The following UGT1A9 variants were observed in gnomAD, a reference collection of about 807,000 sequenced individuals.
UGT1A9 encodes the protein UDP glucuronosyltransferase family 1 member A9.
A neutral mutation model predicts 45.0 loss-of-function variants in UGT1A9; 35 were observed. The ratio of observed to expected loss-of-function variants is 0.78; its 90% CI spans 0.59 to 1.03. UGT1A9 has a LOEUF of 1.03. UGT1A9 is among the 50% of genes least tolerant of loss of function. UGT1A9 has a pLI of 0.00. For missense variants in UGT1A9, 687 were observed against 666.6 expected (o/e 1.03, Z -0.34); for synonymous variants, 278 against 250.6 (o/e 1.11, Z -1.03).
At chr2:233,726,073 G>A (rs2077498872) in intron 1 of UGT1A9, among the ~76,000 whole-genome samples, 1 of 152,190 alleles carries the variant, frequency 6.6e-6, no homozygotes, top group Non-Finnish European at 1.5e-5. Context: ...GGCTGAGGCA[G>A]GAGGATTACT....
chr2:233,727,709 G>T (rs1490010404), intron 1 of UGT1A9, among the ~76,000 whole-genome samples: 2 of 152,172 alleles, frequency 1.3e-5, no homozygotes, highest in African/African-American at 4.8e-5. Flanking sequence ...AGTTCCCAAA[G>T]CCCTTGCAGA....
intron 1 of UGT1A9, chr2:233,681,913 G>A: frequency 6.2e-7 from 1 of 1,601,310 alleles, no homozygotes; most frequent in Non-Finnish European, 8.5e-7. Flanking sequence ...AATCCCAGCT[G>A]CTGGCTCTGG....
At chr2:233,758,681 T>C (rs543730611) in intron 1 of UGT1A9, among the ~76,000 whole-genome samples, 2 of 152,218 alleles carry the variant, frequency 1.3e-5, no homozygotes, top group Admixed American at 6.5e-5. Context: ...ATATGTCCCA[T>C]AGGACACCAA....
intron 1 of UGT1A9, among the ~76,000 whole-genome samples, chr2:233,724,125 CA>C (rs1371340693): frequency 1.8e-5 from 2 of 108,584 alleles, no homozygotes; most frequent in Non-Finnish European, 3.7e-5. Flanking sequence ...AGGCGCCCCT[CA>C]CCTCCCGGAC....
At chr2:233,692,958 G>T (rs753851963) in intron 1 of UGT1A9, 3 of 1,607,532 alleles carry the variant, frequency 1.9e-6, no homozygotes, top group Non-Finnish European at 1.7e-6. Context: ...CTGTGATTTG[G>T]AGAGTGAAAA....
intron 1 of UGT1A9, among the ~76,000 whole-genome samples, chr2:233,680,676 G>A (rs2074494293): frequency 3.3e-5 from 5 of 151,972 alleles, no homozygotes; most frequent in Admixed American, 3.3e-4. Context: ...TGGGTGCTGT[G>A]GAAGGAGGAT....
In UGT1A9 at chr2:233,743,767, G is replaced by C. The variant is rs374421270; in HGVS notation, c.856-23267G>C. ...CGTCCGACAACACCTCGTAGGCCTCGGCCACCTGCTTGAATCTCCTCTCCG... is the reference window on the plus strand; with the variant it reads ...CGTCCGACAACACCTCGTAGGCCTCCGCCACCTGCTTGAATCTCCTCTCCG... On this transcript the variant is annotated intron_variant, in intron 1 of 4. Transcript: ENST00000354728. 1.6e-3 allele frequency: 2,161 copies of C among 1,367,298 alleles called. 5 individuals are homozygous for C. Among genetic ancestry groups the C allele is most frequent in the Non-Finnish European group, 2.0e-3 (2,052 of 1,021,846 alleles). 84.7% of individuals were successfully genotyped at this position (1,367,298 alleles called of 1,614,324 possible).
intron 4 of UGT1A9, among the ~76,000 whole-genome samples, chr2:233,768,739 C>T (rs542073297): frequency 1.3e-5 from 2 of 151,854 alleles, no homozygotes; most frequent in African/African-American, 4.8e-5. Context: ...TCCACCACCA[C>T]GCCCGGTTAA....
intron 1 of UGT1A9, among the ~76,000 whole-genome samples, chr2:233,738,200 C>A (rs1199969775): frequency 6.6e-6 from 1 of 152,170 alleles, no homozygotes; most frequent in Non-Finnish European, 1.5e-5. Context: ...CTCTCTCTCA[C>A]TTTCTGCCAG....
chr2:233,715,994 A>C (rs976183332), intron 1 of UGT1A9, among the ~76,000 whole-genome samples: 1 of 152,088 alleles, frequency 6.6e-6, no homozygotes, highest in African/African-American at 2.4e-5. Context: ...ACACAACAAA[A>C]CCCAAAATGA....
At chr2:233,732,493 G>C (rs141356640) in intron 1 of UGT1A9, among the ~76,000 whole-genome samples, 2 of 152,178 alleles carry the variant, frequency 1.3e-5, no homozygotes, top group African/African-American at 4.8e-5. Context: ...TGTATAAGGC[G>C]TAAGGAAGGG....
chr2:233,682,164 C>T (rs374860015), intron 1 of UGT1A9: 114 of 1,614,088 alleles, frequency 7.1e-5, no homozygotes, highest in Non-Finnish European at 9.1e-5. Context: ...ACAGTGAAGA[C>T]TTACTCAACC....
At chr2:233,682,068 T>C in intron 1 of UGT1A9, 3 of 1,614,024 alleles carry the variant, frequency 1.9e-6, no homozygotes, top group Non-Finnish European at 2.5e-6. Flanking sequence ...ATGCAGTCGG[T>C]GGTGGAGAAA....
chr2:233,703,766 C>T (rs1275081349), intron 1 of UGT1A9, among the ~76,000 whole-genome samples: 1 of 151,886 alleles, frequency 6.6e-6, no homozygotes, highest in Non-Finnish European at 1.5e-5. Context: ...CTTCTGCAGA[C>T]AAGATATTAT....
At chr2:233,697,767 G>T (rs2075409769) in intron 1 of UGT1A9, among the ~76,000 whole-genome samples, 1 of 151,840 alleles carries the variant, frequency 6.6e-6, no homozygotes, top group Non-Finnish European at 1.5e-5. Flanking sequence ...TTGATACATT[G>T]TGTTTCCATT....
At chr2:233,742,781 C>A (rs550270409) in intron 1 of UGT1A9, 1 of 153,010 alleles carries the variant, frequency 6.5e-6, no homozygotes, top group African/African-American at 2.4e-5. Context: ...TTGTTTTGAA[C>A]CATCATTAAA....
intron 1 of UGT1A9, among the ~76,000 whole-genome samples, chr2:233,734,400 T>G (rs76797219): frequency 6.6e-6 from 1 of 152,204 alleles, no homozygotes; most frequent in South Asian, 2.1e-4. Context: ...TTGCGTCTAT[T>G]TGATTCTTCT....
intron 1 of UGT1A9, chr2:233,690,985 T>A: frequency 2.0e-6 from 2 of 995,592 alleles, no homozygotes; most frequent in Non-Finnish European, 2.4e-6. Flanking sequence ...GACCCACATA[T>A]GAGCAACAGG....
chr2:233,755,203 A>G, intron 1 of UGT1A9: 1 of 1,097,556 alleles, frequency 9.1e-7, no homozygotes, highest in Non-Finnish European at 1.3e-6. Flanking sequence ...AGCTTGCGGT[A>G]CGCCTTCTTG....
Sources: gnomAD v4.1 joint callset for allele counts (sites outside exome capture counted in the v4.1 genomes callset) on GRCh38, gnomAD v4.1.1 for gene constraint, MANE v1.5 for transcripts, NCBI Gene and HGNC (gene_info 2026-07-23, HGNC 2026-07-21) for gene names.